The following MBD2 variants were observed in gnomAD, a reference collection of about 807,000 sequenced individuals.
MBD2 encodes methyl-CpG binding domain protein 2.
A neutral mutation model predicts 39.3 loss-of-function variants in MBD2; 9 were observed. The ratio of observed to expected loss-of-function variants is 0.23; its 90% CI spans 0.14 to 0.40. MBD2 has a LOEUF of 0.40. MBD2 is among the 10% of genes least tolerant of loss of function. The pLI is 1.00. For synonymous variants in MBD2, 233 were observed against 211.1 expected, an observed-to-expected ratio of 1.10 and a Z score of -0.90; for missense variants, 458 against 532.6, an observed-to-expected ratio of 0.86 and a Z score of 1.38.
At chr18:54,175,813 T>C (rs1319809220) in intron 3 of MBD2, among the ~76,000 whole-genome samples, 1 of 152,210 alleles carries the variant, frequency 6.6e-6, no homozygotes, top group Admixed American at 6.5e-5. Flanking sequence ...CCTACTTCAC[T>C]GATACATTCG....
At chr18:54,200,851 G>A (rs903947079) in intron 2 of MBD2, among the ~76,000 whole-genome samples, 15 of 151,928 alleles carry the variant, frequency 9.9e-5, no homozygotes, top group Non-Finnish European at 1.6e-4. Context: ...AGGCCGAGGC[G>A]GGCGGATCAC....
At chr18:54,179,169 G>A (rs1436151296) in intron 3 of MBD2, among the ~76,000 whole-genome samples, 1 of 152,070 alleles carries the variant, frequency 6.6e-6, no homozygotes, top group South Asian at 2.1e-4. Context: ...CAGCCTGAGC[G>A]ATACAGCGAG....
At chr18:54,220,784 T>C (rs961475988) in intron 1 of MBD2, among the ~76,000 whole-genome samples, 1 of 152,244 alleles carries the variant, frequency 6.6e-6, no homozygotes, top group African/African-American at 2.4e-5. Context: ...AATAAGTGAC[T>C]GCCATCATTC....
At chr18:54,217,232 G>C (rs2086569133) in intron 1 of MBD2, among the ~76,000 whole-genome samples, 3 of 152,122 alleles carry the variant, frequency 2.0e-5, no homozygotes, top group Admixed American at 2.0e-4. Context: ...TATTCACATA[G>C]AGTTTATGTA....
At chr18:54,203,103 C>A (rs771536792) in intron 2 of MBD2, 217 of 1,610,584 alleles carry the variant, frequency 1.3e-4, no homozygotes, top group Non-Finnish European at 1.8e-4. Flanking sequence ...TCCAGCGCAG[C>A]TAGAGCAGAA....
At chr18:54,155,500 G>A (rs559860528) in intron 6 of MBD2, among the ~76,000 whole-genome samples, 189 bp from the exon 7 acceptor site, 11 of 152,142 alleles carry the variant, frequency 7.2e-5, no homozygotes, top group East Asian at 1.9e-4. Flanking sequence ...TCATTGTTTC[G>A]TTTTATTTTG....
intron 1 of MBD2, among the ~76,000 whole-genome samples, chr18:54,213,868 A>C (rs1409752979): frequency 6.6e-6 from 1 of 152,202 alleles, no homozygotes; most frequent in Non-Finnish European, 1.5e-5. Context: ...GTGTGTATAC[A>C]CATATATATC....
At chr18:54,169,810 A>G (rs1182457091) in intron 3 of MBD2, among the ~76,000 whole-genome samples, 1 of 152,232 alleles carries the variant, frequency 6.6e-6, no homozygotes, top group Non-Finnish European at 1.5e-5. Flanking sequence ...CAGTGATTTA[A>G]TATTTGGAGA....
chr18:54,154,267 G>C lies in MBD2; in HGVS notation c.*1057C>G, dbSNP rs1256561261. On this transcript the variant is annotated 3_prime_UTR_variant, in exon 7 of 7. Coordinates refer to ENST00000256429, the MANE Select transcript of MBD2 (RefSeq NM_003927.5). ...CATAATTAAATATCAATAAATTCAA[G>C]TGGTATGAAAGTTACACTCGCGAGT... The C allele has an allele frequency of 6.6e-6, 1 of 152,160 alleles. No individual in the cohort carries two copies. Among genetic ancestry groups the C allele is most frequent in the Non-Finnish European group, 1.5e-5 (1 of 68,032 alleles). 9.4% of individuals were successfully genotyped at this position (152,160 alleles called of 1,614,324 possible).
intron 1 of MBD2, among the ~76,000 whole-genome samples, chr18:54,217,775 T>C (rs1330028919): frequency 6.6e-6 from 1 of 152,260 alleles, no homozygotes; most frequent in Non-Finnish European, 1.5e-5. Flanking sequence ...TTAGAATGTA[T>C]ATGCATCAGT....
intron 2 of MBD2, among the ~76,000 whole-genome samples, chr18:54,192,925 T>C (rs1007593356): frequency 9.2e-5 from 14 of 152,234 alleles, no homozygotes; most frequent in Admixed American, 2.0e-4. Context: ...GAATGAGACA[T>C]TATTCAAAAT....
At chr18:54,204,220 C>A (rs927266345) in intron 2 of MBD2, among the ~76,000 whole-genome samples, 1 of 152,120 alleles carries the variant, frequency 6.6e-6, no homozygotes, top group African/African-American at 2.4e-5. Context: ...GTGGCAATAC[C>A]CATACACACA....
chr18:54,185,420 T>C (rs888162082), intron 3 of MBD2, among the ~76,000 whole-genome samples: 6 of 152,154 alleles, frequency 3.9e-5, no homozygotes, highest in Admixed American at 1.3e-4. Flanking sequence ...CTCTATAATC[T>C]AATAATTAAA....
intron 1 of MBD2, among the ~76,000 whole-genome samples, chr18:54,217,212 T>G (rs1388637269): frequency 2.0e-5 from 3 of 152,238 alleles, no homozygotes; most frequent in East Asian, 1.9e-4. Context: ...ATTTTAAATT[T>G]TATTATTTAT....
chr18:54,166,220 C>A, intron 3 of MBD2, 54 bp from the exon 4 acceptor site: 4 of 989,254 alleles, frequency 4.0e-6, no homozygotes, highest in Non-Finnish European at 4.8e-6. Context: ...AAGAAAGTAG[C>A]GCATCGATGC....
chr18:54,212,000 C>G (rs932142015), intron 1 of MBD2, among the ~76,000 whole-genome samples: 3 of 151,994 alleles, frequency 2.0e-5, no homozygotes, highest in Non-Finnish European at 4.4e-5. Context: ...GGATTACAGG[C>G]GCCTGCCACC....
chr18:54,211,097 T>A (rs2086502025), intron 1 of MBD2, among the ~76,000 whole-genome samples: 2 of 151,538 alleles, frequency 1.3e-5, no homozygotes, highest in Non-Finnish European at 2.9e-5. Context: ...GGTCTCGATC[T>A]CCTGACCTCG....
intron 1 of MBD2, among the ~76,000 whole-genome samples, chr18:54,221,847 A>T (rs1261154082): frequency 6.6e-6 from 1 of 152,242 alleles, no homozygotes; most frequent in Admixed American, 6.5e-5. Context: ...AATCCAAATG[A>T]GCACTACAAC....
At chr18:54,195,811 A>G (rs2086361485) in intron 2 of MBD2, among the ~76,000 whole-genome samples, 1 of 152,144 alleles carries the variant, frequency 6.6e-6, no homozygotes, top group African/African-American at 2.4e-5. Flanking sequence ...ATTTAACCTA[A>G]ACAGGTTATT....
Sources: allele counts gnomAD v4.1 joint callset (sites outside exome capture counted in the v4.1 genomes callset), GRCh38; gene constraint gnomAD v4.1.1; transcripts MANE v1.5; gene names NCBI Gene and HGNC (gene_info 2026-07-23, HGNC 2026-07-21).